Variants in ERG observed in about 807,000 individuals in gnomAD.
The protein encoded by ERG is transcriptional regulator ERG.
Under a neutral mutation model 55.3 loss-of-function variants are expected in ERG, and 9 were observed. The ratio of observed to expected loss-of-function variants is 0.16; its 90% CI spans 0.10 to 0.28. The LOEUF is 0.28. Ranked by LOEUF, ERG falls within the 10% of genes least tolerant of loss-of-function variation. ERG has a pLI of 1.00. For missense variants in ERG, 434 were observed against 631.6 expected (o/e 0.69, Z 3.35); for synonymous variants, 223 against 237.3 (o/e 0.94, Z 0.55).
chr21:38,596,041 A>C (rs1433828017), intron 1 of ERG, among the ~76,000 whole-genome samples: 2 of 121,442 alleles, frequency 1.6e-5, no homozygotes, highest in Non-Finnish European at 3.5e-5. Context: ...CTCTATATAA[A>C]AATTGGTGTG....
chr21:38,440,656 G>A (rs529260035), intron 2 of ERG, among the ~76,000 whole-genome samples: 14 of 152,060 alleles, frequency 9.2e-5, no homozygotes, highest in Non-Finnish European at 1.2e-4. Flanking sequence ...CCCCATCTCC[G>A]CTAAAAATAT....
chr21:38,638,975 C>A (rs1188564767), intron 1 of ERG, among the ~76,000 whole-genome samples: 1 of 152,094 alleles, frequency 6.6e-6, no homozygotes, highest in East Asian at 1.9e-4. Context: ...CAAGGTACCT[C>A]CCCCAGGATC....
upstream of ERG, among the ~76,000 whole-genome samples, chr21:38,585,502 C>T (rs188030330): frequency 5.0e-5 from 7 of 140,854 alleles, no homozygotes; most frequent in South Asian, 2.3e-4. Context: ...GCCTGTAGCA[C>T]GGCTCCAAAA....
intron 2 of ERG, among the ~76,000 whole-genome samples, chr21:38,543,642 C>T (rs538366026): frequency 6.0e-5 from 9 of 149,876 alleles, no homozygotes; most frequent in Non-Finnish European, 1.3e-4. Flanking sequence ...TTGGAAGAGA[C>T]GTACAGTAAA....
At chr21:38,453,956 CAAAAAGT>C (rs2058964919) in intron 1 of ERG, among the ~76,000 whole-genome samples, 1 of 149,898 alleles carries the variant, frequency 6.7e-6, no homozygotes, top group African/African-American at 2.5e-5. Context: ...TGGAGATGAG[CAAAAAGT>C]ATAAAAACAT....
intron 2 of ERG, among the ~76,000 whole-genome samples, chr21:38,522,674 G>A (rs938071499): frequency 6.6e-6 from 1 of 152,162 alleles, no homozygotes; most frequent in Non-Finnish European, 1.5e-5. Context: ...TCCTATGACA[G>A]TATGAAAGTT....
rs1349764478 is a variant in ERG, at chr21:38,381,190, A to G, written c.*2213T>C. ...AGAGGTTTGGCAACTTCACATAATC[A>G]TAGCAAAAGGACTGCAACGTGAAAA... On this transcript the variant is annotated 3_prime_UTR_variant, in exon 10 of 10. Transcript: ENST00000288319. 5 of 1,064,942 alleles carry G rather than the reference A, an allele frequency of 4.7e-6. No homozygotes were observed. In the African/African-American group the frequency reaches 6.6e-5, roughly 14 times the overall value. The allele number at this position is 1,064,942 out of a possible 1,614,324, so 66.0% of individuals were successfully genotyped here.
chr21:38,651,008 G>A (rs1037397015), intron 1 of ERG, among the ~76,000 whole-genome samples: 1 of 152,158 alleles, frequency 6.6e-6, no homozygotes, highest in Non-Finnish European at 1.5e-5. Context: ...CATCAAGCTG[G>A]AATTATCTTT....
At chr21:38,544,684 A>G (rs1445234725) in intron 2 of ERG, among the ~76,000 whole-genome samples, 1 of 152,146 alleles carries the variant, frequency 6.6e-6, no homozygotes, top group African/African-American at 2.4e-5. Context: ...AAATGATTAT[A>G]TAAGGTACAC....
rs572248948 is a variant in ERG, at chr21:38,657,401, C to T, written c.-150+4257G>A. On this transcript the variant is annotated intron_variant, in intron 1 of 10. Coordinates refer to the ERG transcript ENST00000398910. ...GTTTAAATCTAAAACTTAGATCCAG[C>T]GCTCCATTTTTAGATGCACCCTTTA... Among the ~76,000 whole-genome samples, 192 of 152,214 alleles carry T rather than the reference C, an allele frequency of 1.3e-3. 2 individuals carry two copies. Among genetic ancestry groups the T allele is most frequent in the Admixed American group, 2.8e-3 (43 of 15,290 alleles).
intron 2 of ERG, among the ~76,000 whole-genome samples, chr21:38,509,984 G>T (rs1046981509): frequency 2.0e-5 from 3 of 152,146 alleles, no homozygotes; most frequent in African/African-American, 7.2e-5. Flanking sequence ...CATCTGGAAG[G>T]CTGCAATGGT....
chr21:38,594,972 A>T (rs2060122501), intron 1 of ERG, among the ~76,000 whole-genome samples: 1 of 152,152 alleles, frequency 6.6e-6, no homozygotes, highest in South Asian at 2.1e-4. Flanking sequence ...AATGGCCTGG[A>T]ACAGAGAGGC....
At chr21:38,613,190 C>T (rs994735616) in intron 1 of ERG, among the ~76,000 whole-genome samples, 2 of 152,224 alleles carry the variant, frequency 1.3e-5, no homozygotes, top group Admixed American at 6.5e-5. Flanking sequence ...TTAGTCAAGA[C>T]TGTTTAGTAA....
chr21:38,429,379 A>G (rs1296047827), intron 2 of ERG, among the ~76,000 whole-genome samples: 1 of 77,352 alleles, frequency 1.3e-5, no homozygotes, highest in East Asian at 3.3e-4. Flanking sequence ...ACACATATAC[A>G]TATATATGTA....
chr21:38,594,010 CA>C (rs531850366), intron 1 of ERG, among the ~76,000 whole-genome samples: 17 of 147,790 alleles, frequency 1.2e-4, no homozygotes, highest in Middle Eastern at 3.4e-3. Context: ...ACATTGTTGA[CA>C]AAAAAAAAAT....
At chr21:38,513,195 A>T (rs1406725078) in intron 2 of ERG, among the ~76,000 whole-genome samples, 3 of 152,176 alleles carry the variant, frequency 2.0e-5, no homozygotes, top group Non-Finnish European at 2.9e-5. Flanking sequence ...ATATTAATAT[A>T]GCTACAAAGA....
chr21:38,636,256 C>T (rs2060387810), intron 1 of ERG, among the ~76,000 whole-genome samples: 1 of 152,144 alleles, frequency 6.6e-6, no homozygotes, highest in Non-Finnish European at 1.5e-5. Flanking sequence ...AACGTCTTTC[C>T]TTCATAAATT....
chr21:38,540,058 G>A (rs2059741419), intron 2 of ERG, among the ~76,000 whole-genome samples: 1 of 151,828 alleles, frequency 6.6e-6, no homozygotes, highest in Non-Finnish European at 1.5e-5. Flanking sequence ...CACCACGCCT[G>A]GCTAATTTTT....
At chr21:38,597,293 G>T (rs1374498337) in intron 1 of ERG, among the ~76,000 whole-genome samples, 2 of 151,786 alleles carry the variant, frequency 1.3e-5, no homozygotes, top group East Asian at 3.9e-4. Flanking sequence ...TTAAGAAATT[G>T]GTTTATCTGT....
Sources: gnomAD v4.1 joint callset for allele counts (sites outside exome capture counted in the v4.1 genomes callset) on GRCh38, gnomAD v4.1.1 for gene constraint, MANE v1.5 for transcripts, NCBI Gene and HGNC (gene_info 2026-07-23, HGNC 2026-07-21) for gene names.